LPP: variants seen among roughly 807,000 people sequenced by gnomAD.
LPP encodes the protein LIM domain containing preferred translocation partner in lipoma.
Under a neutral mutation model 60.4 loss-of-function variants are expected in LPP, and 38 were observed. The ratio of observed to expected loss-of-function variants is 0.63; its 90% confidence interval spans 0.49 to 0.83. The LOEUF is 0.83. LPP is among the 40% of genes least tolerant of loss of function. The probability of loss-of-function intolerance (pLI) is 0.00; values close to 1 mark genes in which losing one functional copy is unlikely to be tolerated. For missense variants in LPP, 902 were observed against 783.6 expected (o/e 1.15, Z -1.80); for synonymous variants, 328 against 290.8 (o/e 1.13, Z -1.30).
chr3:188,739,909 T>C (rs889886469), intron 8 of LPP, among the ~76,000 whole-genome samples: 1 of 152,090 alleles, frequency 6.6e-6, no homozygotes, highest in African/African-American at 2.4e-5. Context: ...GTTACTTCCT[T>C]GGTCTACTGA....
chr3:188,393,581 A>G (rs1780207658), intron 3 of LPP, among the ~76,000 whole-genome samples: 1 of 152,208 alleles, frequency 6.6e-6, no homozygotes, highest in Non-Finnish European at 1.5e-5. Context: ...GCAAAGGGGC[A>G]CTGTTAATAA....
chr3:188,462,609 TGTGTG>T (rs1799389456), intron 4 of LPP, among the ~76,000 whole-genome samples: 1 of 129,348 alleles, frequency 7.7e-6, no homozygotes, highest in Non-Finnish European at 1.7e-5. Context: ...TGTGTGTGTG[TGTGTG>T]TGTGTGTGTG....
chr3:188,647,400 A>G (rs1407155050), intron 7 of LPP, among the ~76,000 whole-genome samples: 8 of 150,110 alleles, frequency 5.3e-5, no homozygotes, highest in Admixed American at 4.7e-4. Context: ...AAAAAAAAAT[A>G]TTTGCCTGCA....
intron 8 of LPP, among the ~76,000 whole-genome samples, chr3:188,715,447 T>A (rs2149792106): frequency 6.7e-6 from 1 of 150,164 alleles, no homozygotes; most frequent in Middle Eastern, 3.5e-3. Flanking sequence ...TATTATAATT[T>A]AGAGTCAATT....
rs963333549 is a variant in LPP at position 188,708,359 on chromosome 3, T to C, written c.1206T>C (p.Tyr402=). The change falls in exon 8 of 12, where the codon TAT becomes TAC. Residue 402 remains tyrosine (Y), a synonymous_variant. Transcript: ENST00000617246. The part of the protein sequence containing the change: ...ELEHLTKKML[Y]DMENPPADEY... ...AGCACCTGACCAAAAAGATGCTGTA[T>C]GACATGGAAAATCCACCTGCTGACG... The C allele has an allele frequency of 6.2e-7, 1 of 1,614,206 alleles. No homozygotes were observed. The highest frequency in any genetic ancestry group is 1.3e-5 in the African/African-American group (1 of 75,062).
At chr3:188,788,651 C>T (rs1243872405) in intron 9 of LPP, among the ~76,000 whole-genome samples, 2 of 152,110 alleles carry the variant, frequency 1.3e-5, no homozygotes, top group South Asian at 2.1e-4. Context: ...TGTTTCTTGA[C>T]TCTGGGGCTG....
intron 8 of LPP, among the ~76,000 whole-genome samples, chr3:188,759,725 T>C (rs1223806654): frequency 1.3e-5 from 2 of 151,836 alleles, no homozygotes; most frequent in Non-Finnish European, 2.9e-5. Flanking sequence ...GAAGAAAGAC[T>C]CTTCTGTACT....
rs6772608 is a variant in LPP, at chr3:188,445,142, T to C, written c.193+38829T>C. ...CCCAACAATCCCATTACTGGATGTA[T>C]ACCCAAACGATTATAAATCATTCCA... On this transcript the variant is annotated intron_variant, in intron 4 of 11. Transcript: ENST00000617246. 6.7e-3 allele frequency among the ~76,000 whole-genome samples: 1,028 copies of C among 152,298 alleles called. 12 individuals are homozygous for C. Among genetic ancestry groups the C allele is most frequent in the South Asian group, 0.026 (125 of 4,824 alleles).
At chr3:188,690,086 A>G (rs902371662) in intron 7 of LPP, among the ~76,000 whole-genome samples, 2 of 152,248 alleles carry the variant, frequency 1.3e-5, no homozygotes, top group Non-Finnish European at 1.5e-5. Flanking sequence ...AAAGATGTGC[A>G]TAATGCTCCC....
At chr3:188,745,011 G>C (rs1166875155) in intron 8 of LPP, among the ~76,000 whole-genome samples, 1 of 151,940 alleles carries the variant, frequency 6.6e-6, no homozygotes, top group Non-Finnish European at 1.5e-5. Context: ...AGGGAGAACA[G>C]GGTAAACTGT....
intron 1 of LPP, among the ~76,000 whole-genome samples, chr3:188,219,131 A>G (rs1294535547): frequency 1.3e-5 from 2 of 152,130 alleles, no homozygotes; most frequent in African/African-American, 2.4e-5. Flanking sequence ...ACACGTCCTC[A>G]TATTTAATCT....
intron 7 of LPP, among the ~76,000 whole-genome samples, chr3:188,640,040 A>G (rs899299676): frequency 1.3e-5 from 2 of 152,106 alleles, no homozygotes; most frequent in East Asian, 3.9e-4. Flanking sequence ...AGGACTACAA[A>G]TCATGCTGCT....
chr3:188,765,015 G>A (rs930537865), intron 9 of LPP, among the ~76,000 whole-genome samples: 5 of 152,124 alleles, frequency 3.3e-5, no homozygotes, highest in African/African-American at 1.2e-4. Context: ...GTCATCAAAT[G>A]GCTACAGTTA....
rs942472340 is a variant in LPP at position 188,883,905 on chromosome 3, A to G, written c.*9426A>G. On this transcript the variant is annotated 3_prime_UTR_variant, in exon 12 of 12. Coordinates refer to ENST00000617246, the MANE Select transcript of LPP (RefSeq NM_001375462.1). Reference sequence around the variant, plus strand: ...GAGGAGAGGGGTTCTATTATGCTATAGTTTTCTATGGAAATGTACAAATGC... The same window carrying G: ...GAGGAGAGGGGTTCTATTATGCTATGGTTTTCTATGGAAATGTACAAATGC... 2 of 215,938 alleles carry G rather than the reference A, an allele frequency of 9.3e-6. No homozygotes were observed. Among genetic ancestry groups the G allele is most frequent in the Non-Finnish European group, 1.9e-5 (2 of 107,236 alleles). The allele number at this position is 215,938 out of a possible 1,614,324, so 13.4% of individuals were successfully genotyped here.
chr3:188,882,637 T>G lies in LPP; in HGVS notation c.*8158T>G, dbSNP rs1477139374. ...TCCACAAAAGAACAAGCAGGACATC[T>G]CTATTTTCCTATTGAGTCTGAGTCC... On this transcript the variant is annotated 3_prime_UTR_variant, in exon 12 of 12. Coordinates refer to ENST00000617246, the MANE Select transcript of LPP (RefSeq NM_001375462.1). The G allele has an allele frequency of 4.5e-6, 1 of 220,454 alleles. No individual in the cohort carries two copies. The highest frequency in any genetic ancestry group is 9.1e-6 in the Non-Finnish European group (1 of 110,140). The allele number at this position is 220,454 out of a possible 1,614,324, so 13.7% of individuals were successfully genotyped here.
chr3:188,599,752 GT>G (rs1352143615), intron 6 of LPP, among the ~76,000 whole-genome samples: 16 of 916 alleles, frequency 0.017, no homozygotes, highest in East Asian at 0.05. Flanking sequence ...CTCGTTAGGG[GT>G]GTGTGTGTGT....
At chr3:188,213,961 AACACACACACAC>A (rs59389556) in intron 1 of LPP, among the ~76,000 whole-genome samples, 9 of 130,322 alleles carry the variant, frequency 6.9e-5, no homozygotes, top group Admixed American at 2.4e-4. Flanking sequence ...TTAGATTTTA[AACACACACACAC>A]ACACACACAC....
chr3:188,351,038 A>G (rs1320094871), intron 3 of LPP, among the ~76,000 whole-genome samples: 2 of 152,134 alleles, frequency 1.3e-5, no homozygotes, highest in Non-Finnish European at 2.9e-5. Flanking sequence ...TTTTATAATT[A>G]AACTTTATTT....
intron 2 of LPP, among the ~76,000 whole-genome samples, chr3:188,309,952 T>TATTAATACC (rs1192520992): frequency 6.6e-6 from 1 of 152,068 alleles, no homozygotes; most frequent in Non-Finnish European, 1.5e-5. Flanking sequence ...TTTGTTTCAT[T>TATTAATACC]ATTAATACCA....
Sources: gnomAD v4.1 joint callset for allele counts (sites outside exome capture counted in the v4.1 genomes callset) on GRCh38, gnomAD v4.1.1 for gene constraint, MANE v1.5 for transcripts, NCBI Gene and HGNC (gene_info 2026-07-23, HGNC 2026-07-21) for gene names.